The following PZP variants were observed in gnomAD, a reference collection of about 807,000 sequenced individuals.
The protein encoded by PZP is pregnancy zone protein.
In PZP, 150 loss-of-function variants were observed where a neutral mutation model predicts 179.8. The ratio of observed to expected loss-of-function variants is 0.83; its 90% CI spans 0.73 to 0.96. PZP has a LOEUF of 0.96. PZP is among the 40% of genes least tolerant of loss of function. The probability of loss-of-function intolerance (pLI) is 0.00; values close to 1 mark genes in which losing one functional copy is unlikely to be tolerated. For synonymous variants in PZP, 624 were observed against 652.3 expected (o/e 0.96, Z 0.66); for missense variants, 1,689 against 1,764.0 (o/e 0.96, Z 0.76).
chr12:9,143,983 C>G (rs916711874), downstream of PZP, among the ~76,000 whole-genome samples: 1 of 152,202 alleles, frequency 6.6e-6, no homozygotes, highest in Non-Finnish European at 1.5e-5. Context: ...TGGGTGTCCC[C>G]AAGATTTCTT....
intron 29 of PZP, 38 bp downstream of exon 29, chr12:9,154,578 G>A (rs1592443837): frequency 5.7e-6 from 9 of 1,582,788 alleles, no homozygotes; most frequent in Non-Finnish European, 6.1e-6. Flanking sequence ...CAATTGCCAA[G>A]TGAACCTGGA....
intron 8 of PZP, 62 bp from the exon 9 acceptor site, chr12:9,196,747 A>T: frequency 7.2e-7 from 1 of 1,394,898 alleles, no homozygotes; most frequent in Non-Finnish European, 1.0e-6. Flanking sequence ...CACTGAATCT[A>T]CTATTCTGTC....
At chr12:9,195,385 C>T (rs1287478178) in intron 10 of PZP, among the ~76,000 whole-genome samples, 4 of 151,768 alleles carry the variant, frequency 2.6e-5, no homozygotes, top group Non-Finnish European at 1.5e-5. Context: ...TTTCCCTTCC[C>T]CTTCCCCTGG....
chr12:9,163,723 A>G lies in PZP; in HGVS notation c.2681T>C (p.Val894Ala), dbSNP rs923908769. 6 of 1,613,940 alleles carry G rather than the reference A, an allele frequency of 3.7e-6. No homozygotes were observed. In the African/African-American group the frequency reaches 8.0e-5, roughly 22 times the overall value. The change falls in exon 21 of 36, where the codon GTT becomes GCT. Residue 894 changes from valine (V) to alanine (A), a missense_variant. Val to Ala is a moderately conservative substitution (Grantham distance 64, BLOSUM62 0). Transcript: ENST00000261336. ...QSLELCGNEV[V>A]EVPEIKRKDT... ...TTTTCTTTTAATCTCAGGGACCTCA[A>G]CAACCTCATTTCCACAGAGTTCTAA...
intron 16 of PZP, 141 bp from the exon 17 acceptor site, chr12:9,169,115 G>C: frequency 1.6e-6 from 1 of 607,978 alleles, no homozygotes; most frequent in Non-Finnish European, 2.8e-6. Context: ...ATATAGAGTA[G>C]TGAAATTACT....
chr12:9,200,943 G>A lies in PZP; in HGVS notation c.619C>T (p.Gln207Ter). The change falls in exon 6 of 36, where the codon CAG becomes TAG. Residue 207 changes from glutamine to a stop codon, truncating the protein, a stop_gained. Coordinates refer to ENST00000261336, the MANE Select transcript of PZP (RefSeq NM_002864.3). LOFTEE classifies it high-confidence loss of function. ...PIQGSYRVVV[Q>*]TESGGRIQHP... is the part of the protein sequence containing the mutation. ...TGTATCCTTCCACCTGATTCTGTCT[G>A]TACCACCACCCTGTAGGAGCCCTGA... 2.5e-6 allele frequency: 4 copies of A among 1,614,062 alleles called. No homozygotes were observed. The highest frequency in any genetic ancestry group is 2.2e-5 in the East Asian group (1 of 44,880).
At position 9,184,332 on chromosome 12, in the gene PZP, C is replaced by T. The variant is rs773631813; in HGVS notation, c.1547-2215G>A. Among the ~76,000 whole-genome samples, 56 of 152,302 alleles carry T rather than the reference C, an allele frequency of 3.7e-4. No individual in the cohort carries two copies. The South Asian group carries it at 0.011, about 30-fold the overall frequency. On this transcript the variant is annotated intron_variant, in intron 13 of 35. Coordinates refer to ENST00000261336, the MANE Select transcript of PZP (RefSeq NM_002864.3). ...ACAAAACACACAAACCCACCCCTAG[C>T]CATGTACAGACACTGCCACCAGTAT...
In PZP at chr12:9,196,333, T is replaced by C; in HGVS notation, c.1089A>G (p.Ala363=). Residue 363 remains alanine (A), a synonymous_variant, in exon 10 of 36, where the codon GCA becomes GCG. Coordinates refer to ENST00000261336, the MANE Select transcript of PZP (RefSeq NM_002864.3). ...TGTGCATTACAACATATCTTACCTG[T>C]GCAAAAAAGGGGATTCCTTGTCTAA... ...SHFRQGIPFF[A]QVLLVDGKGV... is the part of the protein sequence containing the mutation. 6.2e-7 allele frequency: 1 copy of C among 1,601,954 alleles called. No homozygotes were observed. The highest frequency in any genetic ancestry group is 1.7e-5 in the Admixed American group (1 of 59,978).
At chr12:9,184,524 C>G (rs1942980258) in intron 13 of PZP, among the ~76,000 whole-genome samples, 1 of 152,220 alleles carries the variant, frequency 6.6e-6, no homozygotes, top group African/African-American at 2.4e-5. Flanking sequence ...AGGCCAGCAA[C>G]CTGGCACCTG....
chr12:9,156,605 A>G (rs972988028), intron 28 of PZP, among the ~76,000 whole-genome samples: 4 of 152,144 alleles, frequency 2.6e-5, no homozygotes, highest in African/African-American at 4.8e-5. Context: ...AAATGAATCT[A>G]TTTGTCTATT....
chr12:9,141,703 T>C, the PZP span, among the ~76,000 whole-genome samples: 3 of 152,246 alleles, frequency 2.0e-5, no homozygotes, highest in East Asian at 1.9e-4. Context: ...ATAATCTTTT[T>C]ACCAAAAGTA....
intron 12 of PZP, 45 bp from the exon 13 acceptor site, chr12:9,192,301 G>T: frequency 1.3e-6 from 2 of 1,571,070 alleles, no homozygotes; most frequent in East Asian, 2.2e-5. Flanking sequence ...GCTGGACACA[G>T]TTCTCAGCCT....
chr12:9,152,426 A>C lies in PZP; in HGVS notation c.4122-116T>G. On this transcript the variant is annotated intron_variant, in intron 31 of 35. Transcript: ENST00000261336. ...TTCAAGAAGTTGTCCCTAATATTCT[A>C]CAAAGGTCTGTGTTCCCTGGACTTG... is the stretch of plus-strand genomic sequence containing the variant. 3 of 762,456 alleles carry C rather than the reference A, an allele frequency of 3.9e-6. No individual in the cohort carries two copies. The South Asian group carries it at 4.7e-5, about 12-fold the overall frequency. The allele number at this position is 762,456 out of a possible 1,614,324, so 47.2% of individuals were successfully genotyped here.
intron 10 of PZP, among the ~76,000 whole-genome samples, chr12:9,195,948 G>T (rs1451286006): frequency 6.6e-6 from 1 of 151,800 alleles, no homozygotes; most frequent in Admixed American, 6.6e-5. Context: ...TGTCAGAAGA[G>T]ATCAACAGAT....
chr12:9,175,386 C>G (rs1418343377), intron 15 of PZP, among the ~76,000 whole-genome samples: 1 of 152,138 alleles, frequency 6.6e-6, no homozygotes, highest in African/African-American at 2.4e-5. Flanking sequence ...CAATACCATT[C>G]AGGAGATAGG....
At chr12:9,179,315 C>G (rs1942602757) in intron 15 of PZP, among the ~76,000 whole-genome samples, 1 of 152,014 alleles carries the variant, frequency 6.6e-6, no homozygotes, top group African/African-American at 2.4e-5. Flanking sequence ...TTTTTATTGC[C>G]TCTCTCTAAG....
chr12:9,202,947 T>G (rs984995956), intron 2 of PZP, among the ~76,000 whole-genome samples: 1 of 152,174 alleles, frequency 6.6e-6, no homozygotes, highest in Non-Finnish European at 1.5e-5. Context: ...ACTGAGTATG[T>G]ATATTCTGAA....
chr12:9,152,616 A>G lies in PZP; in HGVS notation c.4121+208T>C, dbSNP rs112843682. 4.3e-4 allele frequency among the ~76,000 whole-genome samples: 66 copies of G among 152,302 alleles called. 2 individuals are homozygous for G. Among genetic ancestry groups the G allele is most frequent in the African/African-American group, 1.5e-3 (62 of 41,566 alleles). ...ATGGTTTTTGCACACCTCACTATAC[A>G]GTTCATTTGTTATTTAGTATATATT... On this transcript the variant is annotated intron_variant, in intron 31 of 35. Coordinates refer to ENST00000261336, the MANE Select transcript of PZP (RefSeq NM_002864.3).
chr12:9,165,869 C>T (rs762956170), intron 18 of PZP, among the ~76,000 whole-genome samples, 183 bp downstream of exon 18: 1 of 152,156 alleles, frequency 6.6e-6, no homozygotes, highest in Non-Finnish European at 1.5e-5. Flanking sequence ...TAGAATTGCT[C>T]AGCACTGAGA....
Sources: allele counts gnomAD v4.1 joint callset (sites outside exome capture counted in the v4.1 genomes callset), GRCh38; gene constraint gnomAD v4.1.1; transcripts MANE v1.5; gene names NCBI Gene and HGNC (gene_info 2026-07-23, HGNC 2026-07-21).